SLC9A9: variants seen among roughly 807,000 people sequenced by gnomAD.
SLC9A9 encodes the protein solute carrier family 9 member A9.
SLC9A9 carries 62 observed loss-of-function variants against 77.8 expected under a neutral mutation model. The observed-to-expected ratio is 0.80, with a 90% CI of 0.65 to 0.98. The LOEUF is 0.98. SLC9A9 is among the 50% of genes least tolerant of loss of function. The pLI, the probability that SLC9A9 is intolerant of heterozygous loss-of-function variation, is 0.00. For synonymous variants in SLC9A9, 320 were observed against 283.5 expected (o/e 1.13, Z -1.29); for missense variants, 775 against 774.9 (o/e 1.00, Z 0.00).
chr3:143,695,459 G>A (rs1933607138), intron 4 of SLC9A9, among the ~76,000 whole-genome samples: 1 of 152,062 alleles, frequency 6.6e-6, no homozygotes, highest in Non-Finnish European at 1.5e-5. Context: ...TCCTGTGTTA[G>A]TTTGCTGAGA....
At chr3:143,281,829 C>T (rs1316073536) in intron 14 of SLC9A9, among the ~76,000 whole-genome samples, 1 of 152,216 alleles carries the variant, frequency 6.6e-6, no homozygotes, top group East Asian at 1.9e-4. Context: ...CAGAGGCCTC[C>T]ATCACGGTTA....
At chr3:143,437,241 C>T (rs961778881) in intron 12 of SLC9A9, among the ~76,000 whole-genome samples, 4 of 152,220 alleles carry the variant, frequency 2.6e-5, no homozygotes, top group Admixed American at 6.5e-5. Flanking sequence ...AGAAGTGACA[C>T]GATTGGCCCA....
chr3:143,421,628 A>T (rs2034297735), intron 12 of SLC9A9, among the ~76,000 whole-genome samples: 1 of 152,208 alleles, frequency 6.6e-6, no homozygotes, highest in Non-Finnish European at 1.5e-5. Flanking sequence ...AAAACTTCAA[A>T]CTATAAAAAC....
intron 12 of SLC9A9, among the ~76,000 whole-genome samples, chr3:143,426,298 C>A (rs2108531955): frequency 6.6e-6 from 1 of 152,302 alleles, no homozygotes; most frequent in South Asian, 2.1e-4. Flanking sequence ...AGAGACTTTA[C>A]TTTCAAGGAT....
At chr3:143,294,242 C>A (rs1470515543) in intron 14 of SLC9A9, among the ~76,000 whole-genome samples, 1 of 152,134 alleles carries the variant, frequency 6.6e-6, no homozygotes, top group Non-Finnish European at 1.5e-5. Flanking sequence ...AAACCCAAAT[C>A]GCCTACTCTT....
chr3:143,712,584 A>AT (rs560869588), intron 4 of SLC9A9, among the ~76,000 whole-genome samples: 2 of 152,006 alleles, frequency 1.3e-5, no homozygotes, highest in Non-Finnish European at 1.5e-5. Context: ...CTTTTCCTCC[A>AT]TTTTTTGTCC....
At chr3:143,297,053 T>C (rs1402261719) in intron 14 of SLC9A9, among the ~76,000 whole-genome samples, 1 of 152,240 alleles carries the variant, frequency 6.6e-6, no homozygotes, top group East Asian at 1.9e-4. Context: ...ATTTTTACTT[T>C]TGTTGCTTTT....
chr3:143,768,804 A>G (rs919472540), intron 4 of SLC9A9, among the ~76,000 whole-genome samples: 1 of 152,188 alleles, frequency 6.6e-6, no homozygotes, highest in Admixed American at 6.6e-5. Flanking sequence ...ATGCTATTTA[A>G]TTGAAAACAA....
At chr3:143,813,356 G>A (rs1174841781) in intron 2 of SLC9A9, among the ~76,000 whole-genome samples, 2 of 152,166 alleles carry the variant, frequency 1.3e-5, no homozygotes, top group African/African-American at 4.8e-5. Flanking sequence ...ACCAGCCGGG[G>A]AGTACTGGAA....
chr3:143,427,241 C>T (rs1192097628), intron 12 of SLC9A9, among the ~76,000 whole-genome samples: 3 of 152,174 alleles, frequency 2.0e-5, no homozygotes, highest in African/African-American at 7.2e-5. Context: ...TTGTGTAAAG[C>T]ATTCATGCAC....
intron 9 of SLC9A9, among the ~76,000 whole-genome samples, chr3:143,527,297 C>A (rs2036423635): frequency 6.6e-6 from 1 of 152,200 alleles, no homozygotes; most frequent in Non-Finnish European, 1.5e-5. Flanking sequence ...ACACATCAGT[C>A]ATATTGAAGC....
chr3:143,479,063 T>C (rs1378530109), intron 11 of SLC9A9, among the ~76,000 whole-genome samples: 1 of 152,212 alleles, frequency 6.6e-6, no homozygotes, highest in Non-Finnish European at 1.5e-5. Context: ...GAGGCTGGCA[T>C]GTTCCTGTTG....
At chr3:143,745,169 A>G (rs753725577) in intron 4 of SLC9A9, among the ~76,000 whole-genome samples, 1 of 152,010 alleles carries the variant, frequency 6.6e-6, no homozygotes, top group Non-Finnish European at 1.5e-5. Flanking sequence ...AATAACTCAA[A>G]GAAGAGAGAG....
At chr3:143,799,312 A>G (rs11720499) in intron 2 of SLC9A9, among the ~76,000 whole-genome samples, 22,329 of 152,190 alleles carry the variant, frequency 0.15, 1,954 homozygotes, top group South Asian at 0.29. Flanking sequence ...CTCTCCCAAC[A>G]TTAAGTAAAG....
At chr3:143,485,365 GA>G (rs2035638647) in intron 11 of SLC9A9, among the ~76,000 whole-genome samples, 1 of 152,042 alleles carries the variant, frequency 6.6e-6, no homozygotes, top group African/African-American at 2.4e-5. Context: ...TTTCACCTTC[GA>G]TTTTCTTTTT....
intron 14 of SLC9A9, among the ~76,000 whole-genome samples, chr3:143,332,271 C>T (rs187410012): frequency 6.6e-6 from 1 of 151,140 alleles, no homozygotes; most frequent in East Asian, 1.9e-4. Context: ...CCAGGCCAAC[C>T]CTTGGAATCT....
At chr3:143,501,199 T>C (rs1225049977) in intron 9 of SLC9A9, among the ~76,000 whole-genome samples, 2 of 150,710 alleles carry the variant, frequency 1.3e-5, no homozygotes, top group Admixed American at 1.3e-4. Context: ...TAAATTATAG[T>C]ATAATACATT....
At chr3:143,468,340 C>A (rs999738493) in intron 11 of SLC9A9, among the ~76,000 whole-genome samples, 5 of 152,184 alleles carry the variant, frequency 3.3e-5, no homozygotes, top group African/African-American at 4.8e-5. Flanking sequence ...GGTGATTTAA[C>A]TTCTTCATTG....
chr3:143,517,371 C>T (rs1407945391), intron 9 of SLC9A9: 29 of 1,428,852 alleles, frequency 2.0e-5, no homozygotes, highest in Non-Finnish European at 2.6e-5. Flanking sequence ...GGCATTCTCC[C>T]AGGAAAGCCA....
Sources: allele counts gnomAD v4.1 joint callset (sites outside exome capture counted in the v4.1 genomes callset), GRCh38; gene constraint gnomAD v4.1.1; transcripts MANE v1.5; gene names NCBI Gene and HGNC (gene_info 2026-07-23, HGNC 2026-07-21).